Variants in TANC1 observed in about 807,000 individuals in gnomAD.
The protein encoded by TANC1 is protein TANC1.
A neutral mutation model predicts 149.7 loss-of-function variants in TANC1; 77 were observed. The ratio of observed to expected loss-of-function variants is 0.51; its 90% CI spans 0.43 to 0.62. The LOEUF (loss-of-function observed/expected upper bound fraction) is 0.62, where lower values mean the gene tolerates loss of function less well. Among genes scored for constraint, TANC1 ranks in the 20% least tolerant of loss-of-function variants. The pLI is 0.00. For missense variants in TANC1, 1,985 were observed against 2,321.8 expected, an observed-to-expected ratio of 0.85 and a Z score of 2.98; for synonymous variants, 854 against 925.0, an observed-to-expected ratio of 0.92 and a Z score of 1.39.
intron 2 of TANC1, among the ~76,000 whole-genome samples, chr2:159,025,340 C>G (rs760745057): frequency 1.3e-5 from 2 of 151,606 alleles, no homozygotes; most frequent in Non-Finnish European, 2.9e-5. Context: ...CAAAGTACCA[C>G]TAAGCAATAC....
intron 18 of TANC1, among the ~76,000 whole-genome samples, chr2:159,198,420 C>T (rs1253288937): frequency 2.0e-5 from 3 of 152,108 alleles, no homozygotes; most frequent in South Asian, 2.1e-4. Flanking sequence ...GGGTGAACGC[C>T]GGCTCAGGTC....
chr2:159,194,047 C>G (rs1457864997), intron 16 of TANC1, among the ~76,000 whole-genome samples: 1 of 152,000 alleles, frequency 6.6e-6, no homozygotes, highest in Non-Finnish European at 1.5e-5. Flanking sequence ...TTTGAGGAAC[C>G]ATCTTACTGT....
chr2:158,995,524 G>A (rs2149299990), intron 1 of TANC1, among the ~76,000 whole-genome samples: 1 of 152,248 alleles, frequency 6.6e-6, no homozygotes, highest in African/African-American at 2.4e-5. Context: ...CATTACCCGA[G>A]GGCGGGACTC....
At chr2:159,159,439 C>CAA (rs34576502) in intron 7 of TANC1, among the ~76,000 whole-genome samples, 36 of 92,960 alleles carry the variant, frequency 3.9e-4, no homozygotes, top group South Asian at 4.4e-4. Flanking sequence ...GACCCTGTCT[C>CAA]AAAAAAAAAA....
intron 18 of TANC1, 139 bp downstream of exon 18, chr2:159,196,932 A>G (rs750644985): frequency 1.0e-4 from 75 of 729,760 alleles, no homozygotes; most frequent in Middle Eastern, 3.8e-4. Context: ...AAGGTCTTCT[A>G]TGGGCACCAC....
chr2:159,198,302 G>C (rs978379910), intron 18 of TANC1, among the ~76,000 whole-genome samples: 1 of 152,178 alleles, frequency 6.6e-6, no homozygotes, highest in Non-Finnish European at 1.5e-5. Context: ...TGAAGATTGG[G>C]ATGTAGACAT....
intron 8 of TANC1, among the ~76,000 whole-genome samples, chr2:159,165,708 C>T (rs1352340660): frequency 6.6e-6 from 1 of 152,234 alleles, no homozygotes; most frequent in Non-Finnish European, 1.5e-5. Flanking sequence ...ATGTGAAGGA[C>T]CGTATACAGA....
intron 7 of TANC1, among the ~76,000 whole-genome samples, chr2:159,161,164 T>A (rs1411709126): frequency 1.3e-5 from 2 of 152,188 alleles, no homozygotes; most frequent in East Asian, 3.9e-4. Context: ...GCTAAGTCCT[T>A]ATTTCCCCTG....
intron 8 of TANC1, among the ~76,000 whole-genome samples, chr2:159,166,385 G>A (rs2054600780): frequency 6.6e-6 from 1 of 152,062 alleles, no homozygotes; most frequent in Non-Finnish European, 1.5e-5. Flanking sequence ...GTCTCCCTCT[G>A]CCTTGCCCCA....
chr2:159,073,987 G>T (rs1172573826), intron 3 of TANC1, among the ~76,000 whole-genome samples: 1 of 152,198 alleles, frequency 6.6e-6, no homozygotes, highest in African/African-American at 2.4e-5. Context: ...CAGTTGTCTT[G>T]CAGTTAATGA....
chr2:159,220,757 A>C (rs1160195837), intron 22 of TANC1, among the ~76,000 whole-genome samples: 1 of 150,946 alleles, frequency 6.6e-6, no homozygotes, highest in Admixed American at 6.6e-5. Context: ...TACCTGGCTA[A>C]TTTTTAGAGA....
intron 4 of TANC1, among the ~76,000 whole-genome samples, chr2:159,109,380 T>G (rs549186938): frequency 1.0e-3 from 152 of 152,324 alleles, no homozygotes; most frequent in Non-Finnish European, 1.9e-3. Context: ...AAAATTGATG[T>G]TGAAACTGTA....
At chr2:159,158,268 A>G (rs867659306) in intron 7 of TANC1, among the ~76,000 whole-genome samples, 26 of 152,130 alleles carry the variant, frequency 1.7e-4, no homozygotes, top group African/African-American at 5.8e-4. Flanking sequence ...GCTGAGGTGG[A>G]AAGATCGTTT....
chr2:159,136,328 C>A, intron 5 of TANC1, 30 bp downstream of exon 5: 1 of 1,259,718 alleles, frequency 7.9e-7, no homozygotes, highest in Non-Finnish European at 1.2e-6. Flanking sequence ...CCTTCCCCCT[C>A]TACCAAAGAT....
intron 2 of TANC1, among the ~76,000 whole-genome samples, chr2:159,006,922 T>C (rs2037240543): frequency 6.6e-6 from 1 of 152,148 alleles, no homozygotes; most frequent in African/African-American, 2.4e-5. Flanking sequence ...CATTTCCTCA[T>C]AACTGACAAT....
At chr2:159,143,238 C>A (rs538473962) in intron 5 of TANC1, among the ~76,000 whole-genome samples, 4 of 152,038 alleles carry the variant, frequency 2.6e-5, no homozygotes, top group East Asian at 1.9e-4. Flanking sequence ...TGAGATCTCT[C>A]GTAATGTGAT....
intron 19 of TANC1, among the ~76,000 whole-genome samples, chr2:159,205,494 G>A (rs1442958810): frequency 1.3e-5 from 2 of 152,192 alleles, no homozygotes; most frequent in African/African-American, 2.4e-5. Context: ...ACAATACTGT[G>A]TCTTTATTTT....
chr2:158,980,502 C>T (rs1289407735), intron 1 of TANC1, among the ~76,000 whole-genome samples: 5 of 152,140 alleles, frequency 3.3e-5, no homozygotes, highest in African/African-American at 7.2e-5. Flanking sequence ...TTGGGCTGGG[C>T]GCGGTGGCTC....
intron 1 of TANC1, among the ~76,000 whole-genome samples, chr2:158,983,590 T>A (rs1243492692): frequency 1.3e-5 from 2 of 152,102 alleles, no homozygotes; most frequent in African/African-American, 2.4e-5. Flanking sequence ...ATCAATTTTT[T>A]TACTGAGACT....
Sources: gnomAD v4.1 joint callset for allele counts (sites outside exome capture counted in the v4.1 genomes callset) on GRCh38, gnomAD v4.1.1 for gene constraint, MANE v1.5 for transcripts, NCBI Gene and HGNC (gene_info 2026-07-23, HGNC 2026-07-21) for gene names.